ABCA10: variants seen among roughly 807,000 people sequenced by gnomAD.
ABCA10 encodes ATP-binding cassette sub-family A member 10.
A neutral mutation model predicts 187.5 loss-of-function variants in ABCA10; 169 were observed. The ratio of observed to expected loss-of-function variants is 0.90; its 90% CI spans 0.80 to 1.02. ABCA10 has a LOEUF of 1.02. Among genes scored for constraint, ABCA10 ranks in the 50% least tolerant of loss-of-function variants. The pLI is 0.00. For synonymous variants in ABCA10, 574 were observed against 601.8 expected, an observed-to-expected ratio of 0.95 and a Z score of 0.68; for missense variants, 1,727 against 1,812.4, an observed-to-expected ratio of 0.95 and a Z score of 0.86.
In ABCA10 at chr17:69,225,364, T is replaced by C. The variant is rs2074785690; in HGVS notation, c.-6A>G. ...GCCAAGGCCATCTTATTCATTATCC[T>C]TTGTGTTATGTTACTGACTGGTGTA... On this transcript the variant is annotated 5_prime_UTR_variant, in exon 3 of 39. Coordinates refer to ENST00000690296, the MANE Select transcript of ABCA10 (RefSeq NM_001377321.1). The C allele has an allele frequency of 3.4e-5, 55 of 1,613,070 alleles. No individual in the cohort carries two copies. The highest frequency in any genetic ancestry group is 4.6e-5 in the Non-Finnish European group (54 of 1,179,394).
At chr17:69,172,013 A>G (rs1206065146) in intron 25 of ABCA10, among the ~76,000 whole-genome samples, 4 of 151,842 alleles carry the variant, frequency 2.6e-5, no homozygotes, top group Non-Finnish European at 5.9e-5. Context: ...GTGAACAAAT[A>G]GATTGATTTA....
chr17:69,219,691 C>G lies in ABCA10; in HGVS notation c.384G>C (p.Lys128Asn), dbSNP rs772466216. ...INMKIPPFISKGEIMNEWFHF... is the reference protein window; with the variant it reads ...INMKIPPFISNGEIMNEWFHF... ...GAAACCATTCATTCATAATTTCTCC[C>G]TTAGAAATGAAAGGTGGTATCTTCA... The change falls in exon 6 of 39, where the codon AAG becomes AAC. Residue 128 changes from lysine (K) to asparagine (N), a missense_variant. Transcript: ENST00000690296. The G allele has an allele frequency of 6.2e-7, 1 of 1,610,846 alleles. No homozygotes were observed. Among genetic ancestry groups the G allele is most frequent in the South Asian group, 1.1e-5 (1 of 90,328 alleles).
At chr17:69,236,278 C>T (rs2074870695) in intron 1 of ABCA10, among the ~76,000 whole-genome samples, 1 of 152,108 alleles carries the variant, frequency 6.6e-6, no homozygotes. Context: ...TCCCCCCTGC[C>T]CAAAGTGAGT....
rs925656035 is a variant in ABCA10 at position 69,166,548 on chromosome 17, C to T, written c.3163-1465G>A. On this transcript the variant is annotated intron_variant, in intron 25 of 38. Coordinates refer to ENST00000690296, the MANE Select transcript of ABCA10 (RefSeq NM_001377321.1). ...TACTTTGAAATCTCACATTGATGAT[C>T]CAACTTTTATACCTATAGGCTTTAA... Among the ~76,000 whole-genome samples, 3 of 152,068 alleles carry T rather than the reference C, an allele frequency of 2.0e-5. No individual in the cohort carries two copies. In the South Asian group the frequency reaches 6.2e-4, roughly 32 times the overall value.
intron 9 of ABCA10, among the ~76,000 whole-genome samples, chr17:69,210,291 G>A (rs1307403841): frequency 7.1e-6 from 1 of 140,684 alleles, no homozygotes; most frequent in Non-Finnish European, 1.5e-5. Flanking sequence ...CCGGGTTCAC[G>A]CCATTCTCCT....
At chr17:69,180,174 A>G (rs780535235) in intron 22 of ABCA10, among the ~76,000 whole-genome samples, 3 of 152,196 alleles carry the variant, frequency 2.0e-5, no homozygotes, top group Non-Finnish European at 1.5e-5. Context: ...AGACAGGACT[A>G]TTACAGATTA....
intron 25 of ABCA10, among the ~76,000 whole-genome samples, chr17:69,166,352 G>A (rs1020315083): frequency 1.4e-4 from 20 of 140,458 alleles, no homozygotes; most frequent in Non-Finnish European, 2.9e-4. Flanking sequence ...AAAAAAAAAA[G>A]GTTGAATTGC....
rs1004081085 is a variant in ABCA10 at position 69,194,248 on chromosome 17, C to A, written c.1345+137G>T. On this transcript the variant is annotated intron_variant, in intron 12 of 38. Coordinates refer to ENST00000690296, the MANE Select transcript of ABCA10 (RefSeq NM_001377321.1). ...ACAAATGTTTTCATGAATTTATGTG[C>A]ATATGAAATCAATATTTCCTGCTCT... 3 of 760,102 alleles carry A rather than the reference C, an allele frequency of 3.9e-6. No homozygotes were observed. The African/African-American group carries it at 5.3e-5, about 14-fold the overall frequency. 47.1% of individuals were successfully genotyped at this position (760,102 alleles called of 1,614,324 possible). A position where few individuals can be genotyped will look rare whatever the true frequency, so the allele number is the denominator to read the frequency against.
intron 1 of ABCA10, chr17:69,234,218 G>A (rs1372886482): frequency 6.6e-6 from 1 of 152,558 alleles, no homozygotes; most frequent in Middle Eastern, 3.3e-3. Context: ...GCACAACATG[G>A]AAGTTCAGAC....
chr17:69,174,247 T>C, intron 25 of ABCA10, 34 bp downstream of exon 25: 1 of 1,427,036 alleles, frequency 7.0e-7, no homozygotes, highest in Non-Finnish European at 9.5e-7. Context: ...CAAGGAAATT[T>C]AATATAAATG....
chr17:69,224,685 T>TG (rs1434570834), intron 3 of ABCA10, among the ~76,000 whole-genome samples: 15 of 111,044 alleles, frequency 1.4e-4, no homozygotes, highest in Non-Finnish European at 2.5e-4. Flanking sequence ...AAAAGTCTTA[T>TG]GGGAAAAAAA....
At chr17:69,183,697 C>T (rs1438344696) in intron 20 of ABCA10, among the ~76,000 whole-genome samples, 1 of 152,072 alleles carries the variant, frequency 6.6e-6, no homozygotes, top group Non-Finnish European at 1.5e-5. Context: ...TGGGAGGAAC[C>T]CTGTGGGCAC....
At chr17:69,235,296 CCGGTG>C (rs2074860396) in intron 1 of ABCA10, among the ~76,000 whole-genome samples, 1 of 152,156 alleles carries the variant, frequency 6.6e-6, no homozygotes, top group Non-Finnish European at 1.5e-5. Flanking sequence ...GGATTTATAA[CCGGTG>C]ATTACAATCT....
At chr17:69,183,718 C>T (rs2074398726) in intron 20 of ABCA10, among the ~76,000 whole-genome samples, 1 of 152,098 alleles carries the variant, frequency 6.6e-6, no homozygotes. Flanking sequence ...TCTCAGCCCC[C>T]AGGGAAGCCA....
At chr17:69,169,659 G>T (rs2074281730) in intron 25 of ABCA10, among the ~76,000 whole-genome samples, 1 of 152,132 alleles carries the variant, frequency 6.6e-6, no homozygotes, top group Non-Finnish European at 1.5e-5. Flanking sequence ...ACAGATTAAT[G>T]GAAGAAATCA....
intron 1 of ABCA10, chr17:69,244,412 GTCTTAAATTTTCAAC>G (rs1308447153): frequency 2.0e-5 from 3 of 151,770 alleles, no homozygotes; most frequent in African/African-American, 7.3e-5. Context: ...AAAATGACTT[GTCTTAAATTTTCAAC>G]TCTTAAAGCT....
At chr17:69,152,319 A>T in intron 35 of ABCA10, 43 bp downstream of exon 35, 1 of 1,593,218 alleles carries the variant, frequency 6.3e-7, no homozygotes, top group Non-Finnish European at 8.5e-7. Flanking sequence ...AACTCTCTCT[A>T]TAAGAACATG....
chr17:69,175,184 A>G (rs1209212533), intron 23 of ABCA10, among the ~76,000 whole-genome samples: 1 of 152,166 alleles, frequency 6.6e-6, no homozygotes, highest in African/African-American at 2.4e-5. Context: ...TTTATTTAGC[A>G]TGATTTCCCT....
chr17:69,243,042 G>C (rs187730498), intron 1 of ABCA10, among the ~76,000 whole-genome samples: 54 of 152,266 alleles, frequency 3.5e-4, no homozygotes, highest in Non-Finnish European at 2.1e-4. Flanking sequence ...TTAGTTGATA[G>C]ATACCCCTTG....
Sources: allele counts gnomAD v4.1 joint callset (sites outside exome capture counted in the v4.1 genomes callset), GRCh38; gene constraint gnomAD v4.1.1; transcripts MANE v1.5; gene names NCBI Gene and HGNC (gene_info 2026-07-23, HGNC 2026-07-21).